The following ARHGEF10L variants were observed in gnomAD, a reference collection of about 807,000 sequenced individuals.
ARHGEF10L encodes the protein Rho guanine nucleotide exchange factor 10 like, also known as rho guanine nucleotide exchange factor 10-like protein.
Under a neutral mutation model 141.2 loss-of-function variants are expected in ARHGEF10L, and 69 were observed. The ratio of observed to expected loss-of-function variants is 0.49; its 90% CI spans 0.40 to 0.60. The LOEUF (loss-of-function observed/expected upper bound fraction) is 0.60, where lower values mean the gene tolerates loss of function less well. Ranked by LOEUF, ARHGEF10L falls within the 20% of genes least tolerant of loss-of-function variation. The pLI, the probability that ARHGEF10L is intolerant of heterozygous loss-of-function variation, is 0.00. For missense variants in ARHGEF10L, 1,482 were observed against 1,734.3 expected, an observed-to-expected ratio of 0.85 and a Z score of 2.58; for synonymous variants, 711 against 718.5, an observed-to-expected ratio of 0.99 and a Z score of 0.17.
chr1:17,637,993 G>A lies in ARHGEF10L; in HGVS notation c.2033G>A (p.Gly678Asp), dbSNP rs1243536930. 2 of 1,585,954 alleles carry A rather than the reference G, an allele frequency of 1.3e-6. No individual in the cohort carries two copies. The highest frequency in any genetic ancestry group is 1.7e-6 in the Non-Finnish European group (2 of 1,165,642). The change falls in exon 19 of 29, where the codon GGC (glycine) becomes GAC (aspartate). Residue 678 changes from glycine to aspartate, a missense_variant. By Grantham distance (94) the Gly-to-Asp change is moderately conservative. Coordinates refer to ENST00000361221, the MANE Select transcript of ARHGEF10L (RefSeq NM_018125.4). ...ACGCTTCTCATCAGCACGCTGCACGGCACCTACCAGGTACGTGGCCTGGCC... is the reference window on the plus strand; with the variant it reads ...ACGCTTCTCATCAGCACGCTGCACGACACCTACCAGGTACGTGGCCTGGCC... ...QITLLISTLH[G>D]TYQNLNMTVA...
At chr1:17,575,749 C>T (rs1409565532) in intron 1 of ARHGEF10L, among the ~76,000 whole-genome samples, 1 of 152,114 alleles carries the variant, frequency 6.6e-6, no homozygotes, top group African/African-American at 2.4e-5. Flanking sequence ...GTTGGCCTAG[C>T]GTGTGTCTAA....
At chr1:17,616,024 G>A (rs1304885703) in intron 8 of ARHGEF10L, 70 bp from the exon 9 acceptor site, 1 of 1,330,290 alleles carries the variant, frequency 7.5e-7, no homozygotes, top group South Asian at 1.2e-5. Flanking sequence ...GGCCTGGGGA[G>A]GCGGGTGGCC....
Position 17,694,866 on chromosome 1 carries a change from A to T in ARHGEF10L, c.3185-292A>T, listed in dbSNP as rs531295151. On this transcript the variant is annotated intron_variant, in intron 27 of 28. Transcript: ENST00000361221. The stretch of plus-strand genomic sequence containing the variant: ...CCTGGCCGCCGTGTATTGAGAGCGC[A>T]CACAGACCAGGCGCTGTGCCTGTGG... The T allele has an allele frequency of 3.1e-5, 18 of 587,818 alleles. No individual in the cohort carries two copies. In the African/African-American group the frequency reaches 3.3e-4, roughly 11 times the overall value. The allele number at this position is 587,818 out of a possible 1,614,324, so 36.4% of individuals were successfully genotyped here.
At chr1:17,664,624 C>T (rs1345254991) in intron 26 of ARHGEF10L, 29 bp downstream of exon 26, 1 of 1,494,616 alleles carries the variant, frequency 6.7e-7, no homozygotes, top group Admixed American at 2.2e-5. Context: ...GCTTGTGGCC[C>T]TGGAGGCCTG....
At chr1:17,651,091 A>C (rs1424485256) in intron 22 of ARHGEF10L, among the ~76,000 whole-genome samples, 1 of 152,184 alleles carries the variant, frequency 6.6e-6, no homozygotes, top group African/African-American at 2.4e-5. Flanking sequence ...ATAACTATTC[A>C]GTGTGGATTT....
chr1:17,600,987 T>C (rs1302368049), intron 4 of ARHGEF10L, among the ~76,000 whole-genome samples: 1 of 148,204 alleles, frequency 6.7e-6, no homozygotes, highest in African/African-American at 2.5e-5. Context: ...GAGGCAGAGG[T>C]TGCAGTGAGC....
At chr1:17,622,136 G>T (rs1356872291) in intron 11 of ARHGEF10L, among the ~76,000 whole-genome samples, 195 bp downstream of exon 11, 1 of 152,168 alleles carries the variant, frequency 6.6e-6, no homozygotes, top group Admixed American at 6.5e-5. Context: ...GTTCACGGGA[G>T]TGACTTCTTT....
chr1:17,687,650 CT>C lies in ARHGEF10L; in HGVS notation c.3089del (p.Phe1030SerfsTer43). On this transcript the variant is annotated frameshift_variant, in exon 27 of 29. Coordinates refer to ENST00000361221, the MANE Select transcript of ARHGEF10L (RefSeq NM_018125.4). LOFTEE classifies it high-confidence loss of function. ...VKAGSGVWMA[F>X]SSGTSIRLFH... ...AGGCGGGCAGCGGCGTCTGGATGGC[CT>C]TCTCCTCCGGCACCTCCATCCGCCT... is the stretch of plus-strand genomic sequence containing the variant. The C allele has an allele frequency of 6.2e-7, 1 of 1,612,856 alleles. No homozygotes were observed. Among genetic ancestry groups the C allele is most frequent in the Non-Finnish European group, 8.5e-7 (1 of 1,179,842 alleles).
upstream of ARHGEF10L, among the ~76,000 whole-genome samples, chr1:17,537,243 TAAC>T (rs973832094): frequency 4.6e-5 from 7 of 152,228 alleles, no homozygotes; most frequent in Non-Finnish European, 8.8e-5. Context: ...TGATGGCAAC[TAAC>T]AACAACAAAA....
At chr1:17,595,222 T>A (rs998803267) in intron 4 of ARHGEF10L, among the ~76,000 whole-genome samples, 12 of 114,114 alleles carry the variant, frequency 1.1e-4, no homozygotes, top group African/African-American at 6.0e-4. Flanking sequence ...TGGCTCACCT[T>A]TTTTTTTTTT....
At chr1:17,588,579 G>C in intron 4 of ARHGEF10L, 100 bp downstream of exon 4, 1 of 1,465,714 alleles carries the variant, frequency 6.8e-7, no homozygotes, top group East Asian at 2.3e-5. Context: ...GACCCGACTG[G>C]TCTTTGGCTA....
In ARHGEF10L at chr1:17,587,623, C is replaced by T; in HGVS notation, c.201C>T (p.His67=). The T allele has an allele frequency of 6.2e-7, 1 of 1,613,146 alleles. No individual in the cohort carries two copies. Among genetic ancestry groups the T allele is most frequent in the African/African-American group, 1.3e-5 (1 of 75,020 alleles). The change falls in exon 3 of 29, where the codon CAC becomes CAT. Residue 67 remains histidine, a synonymous_variant. Transcript: ENST00000361221. ...GGGACACAGACCCCCCACTGATCCA[C>T]TTGGACTCCATCCCTGTCACTGGTA... The part of the protein sequence containing the change: ...PERDTDPPLI[H]LDSIPVTDPD...
At chr1:17,597,232 G>A (rs1374534420) in intron 4 of ARHGEF10L, among the ~76,000 whole-genome samples, 1 of 152,212 alleles carries the variant, frequency 6.6e-6, no homozygotes, top group Admixed American at 6.5e-5. Context: ...CATTAGGAGA[G>A]CAGGAAGCTC....
intron 26 of ARHGEF10L, among the ~76,000 whole-genome samples, chr1:17,668,941 C>T (rs1213244682): frequency 6.6e-6 from 1 of 152,188 alleles, no homozygotes; most frequent in Non-Finnish European, 1.5e-5. Flanking sequence ...GCTCCACGCT[C>T]ACCACAGTGG....
chr1:17,609,272 C>T (rs1266683914), intron 7 of ARHGEF10L, among the ~76,000 whole-genome samples: 1 of 152,224 alleles, frequency 6.6e-6, no homozygotes, highest in African/African-American at 2.4e-5. Flanking sequence ...GCAGCCATTC[C>T]TCAGACCAAG....
At chr1:17,686,102 C>CT (rs1430216371) in intron 26 of ARHGEF10L, among the ~76,000 whole-genome samples, 5 of 135,764 alleles carry the variant, frequency 3.7e-5, no homozygotes, top group African/African-American at 1.6e-4. Context: ...TTCTTTCTTT[C>CT]TTTCTTTTTT....
chr1:17,559,308 C>T lies in ARHGEF10L; in HGVS notation c.-44+19358C>T, dbSNP rs139873326. Reference sequence around the variant, plus strand: ...CATGGTAAGTATCGACACAAGGCAGCTTCGGTGTGGAGCTTTGGAGGCAGC... The same window carrying T: ...CATGGTAAGTATCGACACAAGGCAGTTTCGGTGTGGAGCTTTGGAGGCAGC... On this transcript the variant is annotated intron_variant, in intron 1 of 28. Transcript: ENST00000361221. Among the ~76,000 whole-genome samples, 33 of 152,260 alleles carry T rather than the reference C, an allele frequency of 2.2e-4. No individual in the cohort carries two copies. The East Asian group carries it at 6.4e-3, about 29-fold the overall frequency.
chr1:17,519,642 C>T, the ARHGEF10L span, among the ~76,000 whole-genome samples: 3 of 151,988 alleles, frequency 2.0e-5, no homozygotes, highest in African/African-American at 4.8e-5. Flanking sequence ...GAAACTCCAT[C>T]ATGGCCAACC....
chr1:17,697,412 G>C lies in ARHGEF10L; in HGVS notation c.*32G>C. Reference sequence around the variant, plus strand: ...CCCTCTCCCCTCAGAGGGCACAGCTGCAGGCCTGACCAAGGCCACGCCCGG... The same window carrying C: ...CCCTCTCCCCTCAGAGGGCACAGCTCCAGGCCTGACCAAGGCCACGCCCGG... On this transcript the variant is annotated 3_prime_UTR_variant, in exon 29 of 29. Transcript: ENST00000361221. This position sits in a 1 kb window ranked among gnomAD's most constrained non-coding sequence, Gnocchi z 4.8. 1 of 1,556,312 alleles carries C rather than the reference G, an allele frequency of 6.4e-7. No homozygotes were observed. Among genetic ancestry groups the C allele is most frequent in the Non-Finnish European group, 8.7e-7 (1 of 1,149,172 alleles).
Sources: gnomAD v4.1 joint callset for allele counts (sites outside exome capture counted in the v4.1 genomes callset) on GRCh38, gnomAD v4.1.1 for gene constraint, Gnocchi (gnomAD v3.1) non-coding constraint, MANE v1.5 for transcripts, NCBI Gene and HGNC (gene_info 2026-07-23, HGNC 2026-07-21) for gene names.